The following ANKH variants were observed in gnomAD, a reference collection of about 807,000 sequenced individuals.
ANKH encodes ANKH inorganic pyrophosphate transport regulator, also known as mineralization regulator ANKH.
ANKH carries 15 observed loss-of-function variants against 49.0 expected under a neutral mutation model. The observed-to-expected ratio is 0.31, with a 90% CI of 0.20 to 0.47. ANKH has a LOEUF of 0.47. ANKH is among the 20% of genes least tolerant of loss of function. ANKH has a pLI of 1.00. For missense variants in ANKH, 429 were observed against 652.0 expected (o/e 0.66, Z 3.72); for synonymous variants, 273 against 260.0 (o/e 1.05, Z -0.48).
intron 1 of ANKH, among the ~76,000 whole-genome samples, chr5:14,777,020 G>A (rs1005310551): frequency 2.6e-5 from 4 of 152,166 alleles, no homozygotes; most frequent in African/African-American, 9.7e-5. Context: ...AGTGGCTCAC[G>A]CCTGTAATCC....
At chr5:14,774,424 T>C (rs1399957164) in intron 1 of ANKH, among the ~76,000 whole-genome samples, 1 of 152,156 alleles carries the variant, frequency 6.6e-6, no homozygotes, top group Middle Eastern at 3.2e-3. Flanking sequence ...GTGATTTTTT[T>C]CCCATTCATT....
intron 1 of ANKH, among the ~76,000 whole-genome samples, chr5:14,813,422 T>C (rs927213187): frequency 6.6e-5 from 10 of 151,922 alleles, no homozygotes; most frequent in Admixed American, 6.6e-4. Flanking sequence ...CACAGAGAAA[T>C]GTTAAGTTCC....
intron 1 of ANKH, among the ~76,000 whole-genome samples, chr5:14,790,749 T>C (rs1405428124): frequency 6.6e-6 from 1 of 152,156 alleles, no homozygotes; most frequent in Non-Finnish European, 1.5e-5. Context: ...GTGGGGACTA[T>C]AGGCGAGCGT....
At chr5:14,775,309 G>C (rs1739582639) in intron 1 of ANKH, among the ~76,000 whole-genome samples, 1 of 152,126 alleles carries the variant, frequency 6.6e-6, no homozygotes, top group South Asian at 2.1e-4. Flanking sequence ...CCGGGCTCAA[G>C]TGATCCTTCT....
At position 14,828,510 on chromosome 5, in the gene ANKH, G is replaced by A. The variant is rs59702217; in HGVS notation, c.96+42842C>T. Among the ~76,000 whole-genome samples the A allele has an allele frequency of 5.8e-3, 886 of 152,264 alleles. 13 individuals carry two copies. The highest frequency in any genetic ancestry group is 0.02 in the African/African-American group (817 of 41,542). Reference sequence around the variant, plus strand: ...CCACTGCACTCCCACCTGGGCAACAGAGACTCCGTCTCAAAAACAAACAAA... The same window carrying A: ...CCACTGCACTCCCACCTGGGCAACAAAGACTCCGTCTCAAAAACAAACAAA... On this transcript the variant is annotated intron_variant, in intron 1 of 11. Transcript: ENST00000284268.
In ANKH at chr5:14,733,668, T is replaced by C. The variant is rs115994483; in HGVS notation, c.1011+8159A>G. Among the ~76,000 whole-genome samples, 806 of 152,338 alleles carry C rather than the reference T, an allele frequency of 5.3e-3. 5 individuals carry two copies. Among genetic ancestry groups the C allele is most frequent in the African/African-American group, 0.018 (768 of 41,560 alleles). On this transcript the variant is annotated intron_variant, in intron 8 of 11. Transcript: ENST00000284268. ...TCTATTTGGTAATTTTTGAGGTATT[T>C]TGAGATCATTTACATGGGCTTTGCT...
rs1342770649 is a variant in ANKH, at chr5:14,737,831, C to T, written c.1011+3996G>A. On this transcript the variant is annotated intron_variant, in intron 8 of 11. Coordinates refer to ENST00000284268, the MANE Select transcript of ANKH (RefSeq NM_054027.6). The surrounding 1 kb of genome is among the most constrained non-coding windows in gnomAD (Gnocchi z 5.0). Reference sequence around the variant, plus strand: ...TCCCTCGTTGCTATCAAGGGGATTCCGTTTCATCTGACAGTTCTACTGTTT... The same window carrying T: ...TCCCTCGTTGCTATCAAGGGGATTCTGTTTCATCTGACAGTTCTACTGTTT... Among the ~76,000 whole-genome samples, 1 of 152,182 alleles carries T rather than the reference C, an allele frequency of 6.6e-6. No individual in the cohort carries two copies. Among genetic ancestry groups the T allele is most frequent in the East Asian group, 1.9e-4 (1 of 5,188 alleles).
At position 14,765,681 on chromosome 5, in the gene ANKH, G is replaced by C. The variant is rs544725836; in HGVS notation, c.313+3294C>G. Among the ~76,000 whole-genome samples the C allele has an allele frequency of 4.6e-5, 7 of 152,320 alleles. No homozygotes were observed. In the South Asian group the frequency reaches 1.5e-3, roughly 32 times the overall value. ...TAAATCTAATGAAAAGGACCTAGTA[G>C]AAGGTTCTTTCCTTTATTGGGGCAA... On this transcript the variant is annotated intron_variant, in intron 2 of 11. Coordinates refer to ENST00000284268, the MANE Select transcript of ANKH (RefSeq NM_054027.6).
At chr5:14,778,110 C>A (rs1739689264) in intron 1 of ANKH, among the ~76,000 whole-genome samples, 1 of 152,176 alleles carries the variant, frequency 6.6e-6, no homozygotes, top group South Asian at 2.1e-4. Context: ...TCCTGGCAAC[C>A]CCAGAGCTGG....
intron 2 of ANKH, among the ~76,000 whole-genome samples, chr5:14,765,017 T>C (rs1017603087): frequency 6.6e-6 from 1 of 152,248 alleles, no homozygotes; most frequent in East Asian, 1.9e-4. Flanking sequence ...GAAATTAATT[T>C]GGACCCAAAT....
At chr5:14,851,265 G>GT (rs1742114603) in intron 1 of ANKH, among the ~76,000 whole-genome samples, 1 of 152,230 alleles carries the variant, frequency 6.6e-6, no homozygotes, top group African/African-American at 2.4e-5. Context: ...CTCACTGCCT[G>GT]TGTGTGCAGT....
At chr5:14,855,802 C>T (rs377431323) in intron 1 of ANKH, among the ~76,000 whole-genome samples, 2 of 150,654 alleles carry the variant, frequency 1.3e-5, no homozygotes, top group African/African-American at 4.9e-5. Context: ...CTGAGAAAAT[C>T]CAGCCTTAAA....
intron 1 of ANKH, chr5:14,797,060 A>C: frequency 7.8e-7 from 1 of 1,288,996 alleles, no homozygotes; most frequent in South Asian, 1.3e-5. Flanking sequence ...AACCAGTGTT[A>C]AATCACTCTC....
At chr5:14,850,317 C>A (rs184877164) in intron 1 of ANKH, among the ~76,000 whole-genome samples, 85 of 152,282 alleles carry the variant, frequency 5.6e-4, no homozygotes, top group African/African-American at 1.8e-3. Context: ...AATGTGTGTA[C>A]CAAGGTATTG....
At chr5:14,800,379 GTT>G (rs1175112784) in intron 1 of ANKH, among the ~76,000 whole-genome samples, 1 of 152,226 alleles carries the variant, frequency 6.6e-6, no homozygotes, top group East Asian at 1.9e-4. Context: ...TTTGAAAGAA[GTT>G]CTACTGTGAG....
At chr5:14,846,743 A>G (rs1741971502) in intron 1 of ANKH, among the ~76,000 whole-genome samples, 1 of 152,152 alleles carries the variant, frequency 6.6e-6, no homozygotes, top group Admixed American at 6.5e-5. Flanking sequence ...TGTAATCCCA[A>G]TATTTTGGGA....
At chr5:14,724,933 C>A (rs1294243248) in intron 8 of ANKH, among the ~76,000 whole-genome samples, 1 of 152,180 alleles carries the variant, frequency 6.6e-6, no homozygotes, top group East Asian at 1.9e-4. Flanking sequence ...CCAGAATTAG[C>A]AGTACATGAG....
chr5:14,832,910 G>A (rs1741543874), intron 1 of ANKH, among the ~76,000 whole-genome samples: 1 of 152,210 alleles, frequency 6.6e-6, no homozygotes, highest in Non-Finnish European at 1.5e-5. Flanking sequence ...AAATTTGTCT[G>A]CAAAAATTAT....
At chr5:14,715,390 C>G (rs1411127484) in intron 9 of ANKH, among the ~76,000 whole-genome samples, 5 of 152,230 alleles carry the variant, frequency 3.3e-5, no homozygotes, top group Non-Finnish European at 7.4e-5. Flanking sequence ...CTCGGACTAC[C>G]AAAGTGCTGG....
Sources: gnomAD v4.1 joint callset for allele counts (sites outside exome capture counted in the v4.1 genomes callset) on GRCh38, gnomAD v4.1.1 for gene constraint, Gnocchi (gnomAD v3.1) non-coding constraint, MANE v1.5 for transcripts, NCBI Gene and HGNC (gene_info 2026-07-23, HGNC 2026-07-21) for gene names.